NCKAP5: variants seen among roughly 807,000 people sequenced by gnomAD.
NCKAP5 encodes NCK associated protein 5.
Under a neutral mutation model 167.0 loss-of-function variants are expected in NCKAP5, and 92 were observed. That is an observed-to-expected ratio of 0.55 (90% CI 0.47 to 0.66). The LOEUF is 0.66. Ranked by LOEUF, NCKAP5 falls within the 30% of genes least tolerant of loss-of-function variation. The pLI, the probability that NCKAP5 is intolerant of heterozygous loss-of-function variation, is 0.00. For missense variants in NCKAP5, 2,378 were observed against 2,315.0 expected, an observed-to-expected ratio of 1.03 and a Z score of -0.56; for synonymous variants, 891 against 877.4, an observed-to-expected ratio of 1.02 and a Z score of -0.27.
intron 3 of NCKAP5, among the ~76,000 whole-genome samples, chr2:133,363,605 C>T (rs965622584): frequency 5.9e-5 from 9 of 152,164 alleles, no homozygotes; most frequent in Admixed American, 6.5e-5. Context: ...TATGGGAAAG[C>T]TCCTTATGGA....
chr2:132,930,484 G>T (rs1696285776), intron 8 of NCKAP5: 1 of 152,206 alleles, frequency 6.6e-6, no homozygotes, highest in South Asian at 2.1e-4. Context: ...AAAGGTGGAA[G>T]AAGGGCAAAT....
the NCKAP5 span, among the ~76,000 whole-genome samples, chr2:133,651,013 C>A: frequency 6.6e-6 from 1 of 152,172 alleles, no homozygotes; most frequent in Non-Finnish European, 1.5e-5. Flanking sequence ...TTTTACCCTA[C>A]ACACAAACAT....
chr2:132,994,628 T>C (rs1272338059), intron 6 of NCKAP5, among the ~76,000 whole-genome samples: 2 of 152,254 alleles, frequency 1.3e-5, no homozygotes, highest in African/African-American at 4.8e-5. Flanking sequence ...AGGAATGCAC[T>C]CTTCCCATTA....
intron 8 of NCKAP5, among the ~76,000 whole-genome samples, chr2:132,910,361 T>C (rs1694350596): frequency 6.6e-6 from 1 of 152,162 alleles, no homozygotes; most frequent in Non-Finnish European, 1.5e-5. Context: ...TACACATTCT[T>C]CCTATTTTTC....
At chr2:132,686,503 G>A (rs1408415462) in intron 19 of NCKAP5, among the ~76,000 whole-genome samples, 4 of 152,158 alleles carry the variant, frequency 2.6e-5, no homozygotes, top group Non-Finnish European at 5.9e-5. Context: ...CCATAGCTCA[G>A]TCTCCCTTGT....
intron 6 of NCKAP5, among the ~76,000 whole-genome samples, chr2:133,084,503 T>C (rs2080915958): frequency 1.3e-5 from 2 of 152,102 alleles, no homozygotes; most frequent in Admixed American, 1.3e-4. Flanking sequence ...GGATGACACA[T>C]ATATGGTGGG....
intron 4 of NCKAP5, among the ~76,000 whole-genome samples, chr2:133,258,335 T>C (rs1559325735): frequency 2.0e-5 from 3 of 152,228 alleles, no homozygotes; most frequent in Admixed American, 6.5e-5. Flanking sequence ...TTCAGATTCA[T>C]GTTCCTAAAA....
intron 6 of NCKAP5, chr2:133,117,130 A>T (rs1224875201): frequency 6.6e-6 from 1 of 152,178 alleles, no homozygotes; most frequent in Non-Finnish European, 1.5e-5. Flanking sequence ...TCCGTAGAGG[A>T]CTGTTTTAAG....
intron 3 of NCKAP5, among the ~76,000 whole-genome samples, chr2:133,412,125 T>C (rs1166890894): frequency 6.6e-6 from 1 of 152,066 alleles, no homozygotes; most frequent in Non-Finnish European, 1.5e-5. Context: ...CTAGCCCCCA[T>C]GGTGATGTTA....
intron 11 of NCKAP5, among the ~76,000 whole-genome samples, chr2:132,845,482 G>T (rs947809788): frequency 2.0e-5 from 3 of 151,962 alleles, no homozygotes; most frequent in African/African-American, 7.3e-5. Context: ...GTGAGATAGG[G>T]CTCCAATTAT....
chr2:133,240,116 C>T (rs975098282), intron 4 of NCKAP5, among the ~76,000 whole-genome samples: 9 of 152,084 alleles, frequency 5.9e-5, no homozygotes, highest in Non-Finnish European at 7.4e-5. Context: ...TCTAGAGTTG[C>T]GCATTCCGGA....
intron 6 of NCKAP5, among the ~76,000 whole-genome samples, chr2:133,101,383 C>T (rs1374938486): frequency 4.3e-5 from 6 of 138,926 alleles, no homozygotes; most frequent in South Asian, 2.4e-4. Flanking sequence ...CTTGGCGATG[C>T]GGGCTCTTTT....
At chr2:133,307,993 A>AGGAGGACAAGAGTGAAAGAAAGAG (rs1680906041) in intron 3 of NCKAP5, among the ~76,000 whole-genome samples, 1 of 151,066 alleles carries the variant, frequency 6.6e-6, no homozygotes, top group South Asian at 2.1e-4. Flanking sequence ...GATGGGCAGA[A>AGGAGGACAAGAGTGAAAGAAAGAG]GGAGGACAAG....
chr2:132,948,814 G>A (rs1462225796), intron 8 of NCKAP5, among the ~76,000 whole-genome samples: 1 of 152,094 alleles, frequency 6.6e-6, no homozygotes, highest in African/African-American at 2.4e-5. Context: ...ACTTTGGCAG[G>A]TAGGTAGCAG....
At chr2:133,150,512 C>T (rs2083351057) in intron 5 of NCKAP5, among the ~76,000 whole-genome samples, 1 of 152,100 alleles carries the variant, frequency 6.6e-6, no homozygotes, top group African/African-American at 2.4e-5. Context: ...CCTTTCTTTG[C>T]CTCTTTTCAA....
intron 5 of NCKAP5, among the ~76,000 whole-genome samples, chr2:133,186,169 A>T (rs2084937816): frequency 6.6e-6 from 1 of 152,056 alleles, no homozygotes; most frequent in South Asian, 2.1e-4. Context: ...TTTTATCATG[A>T]AGTGATGTTG....
chr2:132,875,382 C>T (rs1382922122), intron 9 of NCKAP5, among the ~76,000 whole-genome samples: 1 of 152,298 alleles, frequency 6.6e-6, no homozygotes, highest in Non-Finnish European at 1.5e-5. Flanking sequence ...GCTCCTCCTG[C>T]CCTCTGGTGA....
chr2:133,335,243 T>C (rs1683134868), intron 3 of NCKAP5, among the ~76,000 whole-genome samples: 1 of 152,230 alleles, frequency 6.6e-6, no homozygotes, highest in Non-Finnish European at 1.5e-5. Context: ...CACTGCGTTA[T>C]AGTCTCTTAC....
rs75125423 is a variant in NCKAP5 at position 132,939,098 on chromosome 2, G to T, written c.579+24622C>A. ...AGTACAAGGGAATAATTTTTTACTG[G>T]CTTCCTCATTTGTTTAATAGTGATG... is the stretch of plus-strand genomic sequence containing the variant. On this transcript the variant is annotated intron_variant, in intron 8 of 19. Transcript: ENST00000409261. Among the ~76,000 whole-genome samples, 20 of 152,044 alleles carry T rather than the reference G, an allele frequency of 1.3e-4. No homozygotes were observed. The East Asian group carries it at 3.3e-3, about 25-fold the overall frequency.
Sources: allele counts gnomAD v4.1 joint callset (sites outside exome capture counted in the v4.1 genomes callset), GRCh38; gene constraint gnomAD v4.1.1; transcripts MANE v1.5; gene names NCBI Gene and HGNC (gene_info 2026-07-23, HGNC 2026-07-21).